The following TMEM176A variants were observed in gnomAD, a reference collection of about 807,000 sequenced individuals.
TMEM176A encodes the protein transmembrane protein 176A.
In TMEM176A, 20 loss-of-function variants were observed where a neutral mutation model predicts 27.9. The observed-to-expected ratio is 0.72, with a 90% CI of 0.50 to 1.04. The LOEUF (loss-of-function observed/expected upper bound fraction) is 1.04. TMEM176A is among the 50% of genes least tolerant of loss of function. The pLI is 0.00. For missense variants in TMEM176A, 252 were observed against 289.1 expected (o/e 0.87, Z 0.93); for synonymous variants, 125 against 118.0 (o/e 1.06, Z -0.38).
rs768678065 is a variant in TMEM176A, at chr7:150,804,376, C to G, written c.570C>G (p.Thr190=). ...TCTGTCCCCAGGCCTTGTTCAGAAC[C>G]CTTCAGGCCATGCTCTTGGGTGTCT... is the stretch of plus-strand genomic sequence containing the variant. The part of the protein sequence containing the change: ...FMDMLKALFR[T]LQAMLLGVWI... Residue 190 remains threonine, a synonymous_variant, in exon 6 of 7, where the codon ACC becomes ACG. Coordinates refer to ENST00000004103, the MANE Select transcript of TMEM176A (RefSeq NM_018487.3). The G allele has an allele frequency of 1.2e-6, 2 of 1,614,150 alleles. No individual in the cohort carries two copies. Among genetic ancestry groups the G allele is most frequent in the South Asian group, 2.2e-5 (2 of 91,072 alleles).
Position 150,804,972 on chromosome 7 carries a change from G to A in TMEM176A, c.*104G>A. On this transcript the variant is annotated 3_prime_UTR_variant, in exon 7 of 7. Coordinates refer to ENST00000004103, the MANE Select transcript of TMEM176A (RefSeq NM_018487.3). ...ACTGAGGAAAAGAGGCTCTTCAACA[G>A]CCCCAGTTATCCTGGCCCCATGACC... The A allele has an allele frequency of 1.6e-6, 2 of 1,261,528 alleles. No individual in the cohort carries two copies. The highest frequency in any genetic ancestry group is 2.4e-4 in the Middle Eastern group (1 of 4,232). 78.1% of individuals were successfully genotyped at this position (1,261,528 alleles called of 1,614,324 possible). A position where few individuals can be genotyped will look rare whatever the true frequency, so the allele number is the denominator to read the frequency against.
In TMEM176A at chr7:150,803,813, C is replaced by T; in HGVS notation, c.536C>T (p.Ser179Phe). The change falls in exon 5 of 7, where the codon TCC becomes TTC. Residue 179 changes from serine (S) to phenylalanine (F), a missense_variant. By Grantham distance (155) the Ser-to-Phe change is radical (BLOSUM62 -2). Coordinates refer to ENST00000004103, the MANE Select transcript of TMEM176A (RefSeq NM_018487.3). ...EEVRRLHLCT[S>F]FMDMLKALFR... is the part of the protein sequence containing the mutation. Reference sequence around the variant, plus strand: ...GTCAGAAGGCTACACCTATGTACCTCCTTCATGGACATGCTGAAGGTAGGT... The same window carrying T: ...GTCAGAAGGCTACACCTATGTACCTTCTTCATGGACATGCTGAAGGTAGGT... The T allele has an allele frequency of 6.2e-7, 1 of 1,614,082 alleles. No individual in the cohort carries two copies.
At chr7:150,803,910 T>C in intron 5 of TMEM176A, 78 bp downstream of exon 5, 2 of 1,363,666 alleles carry the variant, frequency 1.5e-6, no homozygotes, top group Admixed American at 2.0e-5. Flanking sequence ...AGTCAGGTTC[T>C]CCACCAGAAA....
chr7:150,801,889 A>T, intron 2 of TMEM176A, 165 bp downstream of exon 2: 1 of 777,504 alleles, frequency 1.3e-6, no homozygotes, highest in Non-Finnish European at 2.0e-6. Context: ...TGGGGAGGGG[A>T]GGCTCTGGGC....
rs754927423 is a variant in TMEM176A, at chr7:150,803,769, C to G, written c.492C>G (p.Pro164=). ...SSSSDWNTPA[P]TQSPEEVRRL... ...CGAGTGACTGGAACACTCCAGCCCC[C>G]ACTCAGAGTCCAGAAGAAGTCAGAA... The change falls in exon 5 of 7, where the codon CCC becomes CCG. Residue 164 remains proline, a synonymous_variant. Coordinates refer to ENST00000004103, the MANE Select transcript of TMEM176A (RefSeq NM_018487.3). 7.4e-6 allele frequency: 12 copies of G among 1,614,110 alleles called. No individual in the cohort carries two copies. Among genetic ancestry groups the G allele is most frequent in the East Asian group, 6.7e-5 (3 of 44,900 alleles).
rs547637916 is a variant in TMEM176A, at chr7:150,804,280, C to T, written c.556-82C>T. 15 of 1,151,120 alleles carry T rather than the reference C, an allele frequency of 1.3e-5. No homozygotes were observed. The South Asian group carries it at 1.8e-4, about 14-fold the overall frequency. 71.3% of individuals were successfully genotyped at this position (1,151,120 alleles called of 1,614,324 possible). ...TTGGAGATAAAGGGGTAGAGATTTT[C>T]CCAGGTCAATAAGGAGCATGGGGAC... On this transcript the variant is annotated intron_variant, in intron 5 of 6. Transcript: ENST00000004103.
rs761887875 is a variant in TMEM176A, at chr7:150,804,909, C to T, written c.*41C>T. ...TTATTAGTGCCTGGTGCTTCTGCAC[C>T]GGGCGTCCCTGCATCTGACTGCTGG... On this transcript the variant is annotated 3_prime_UTR_variant, in exon 7 of 7. Coordinates refer to ENST00000004103, the MANE Select transcript of TMEM176A (RefSeq NM_018487.3). 6.8e-6 allele frequency: 11 copies of T among 1,607,016 alleles called. No individual in the cohort carries two copies. The highest frequency in any genetic ancestry group is 5.0e-5 in the Admixed American group (3 of 60,004).
chr7:150,804,213 T>C (rs936212090), intron 5 of TMEM176A, 149 bp from the exon 6 acceptor site: 1 of 644,934 alleles, frequency 1.6e-6, no homozygotes, highest in Non-Finnish European at 2.7e-6. Flanking sequence ...AGCTGTATTC[T>C]GTACATTGAA....
chr7:150,802,684 A>AC, intron 3 of TMEM176A: 1 of 1,059,790 alleles, frequency 9.4e-7, no homozygotes, highest in Non-Finnish European at 1.1e-6. Flanking sequence ...AGGAAGCATC[A>AC]CCCCCTGGTT....
chr7:150,802,559 G>T (rs726647), intron 3 of TMEM176A: 11 of 702,682 alleles, frequency 1.6e-5, no homozygotes, highest in South Asian at 6.1e-5. Context: ...CAGGCTGGCT[G>T]CCTCTCCCTG....
rs537164898 is a variant in TMEM176A at position 150,801,399 on chromosome 7, G to A, written c.-15-137G>A. 88 of 811,314 alleles carry A rather than the reference G, an allele frequency of 1.1e-4. No homozygotes were observed. In the East Asian group the frequency reaches 1.8e-3, roughly 17 times the overall value. The allele number at this position is 811,314 out of a possible 1,614,324, so 50.3% of individuals were successfully genotyped here. A position where few individuals can be genotyped will look rare whatever the true frequency, so the allele number is the denominator to read the frequency against. ...CACACATTCCCCTCGTGAGGGGCCAGGGGTGCGGCCCTGTGACCAGGACAG... is the reference window on the plus strand; with the variant it reads ...CACACATTCCCCTCGTGAGGGGCCAAGGGTGCGGCCCTGTGACCAGGACAG... On this transcript the variant is annotated intron_variant, in intron 1 of 6. Transcript: ENST00000004103.
At chr7:150,801,379 A>C in intron 1 of TMEM176A, 157 bp from the exon 2 acceptor site, 1 of 675,136 alleles carries the variant, frequency 1.5e-6, no homozygotes, top group South Asian at 2.1e-5. Flanking sequence ...TGCTACACAC[A>C]TTCCCCTCGT....
chr7:150,804,661 C>T, intron 6 of TMEM176A, 166 bp from the exon 7 acceptor site: 1 of 886,286 alleles, frequency 1.1e-6, no homozygotes, highest in South Asian at 1.6e-5. Context: ...AAGTGGCCCC[C>T]AAGTCAAAGA....
rs867812048 is a variant in TMEM176A, at chr7:150,804,950, G to A, written c.*82G>A. ...TGACTGCTGGAAGAAGAACCAGACTGAGGAAAAGAGGCTCTTCAACAGCCC... is the reference window on the plus strand; with the variant it reads ...TGACTGCTGGAAGAAGAACCAGACTAAGGAAAAGAGGCTCTTCAACAGCCC... On this transcript the variant is annotated 3_prime_UTR_variant, in exon 7 of 7. Coordinates refer to ENST00000004103, the MANE Select transcript of TMEM176A (RefSeq NM_018487.3). 1 of 1,461,484 alleles carries A rather than the reference G, an allele frequency of 6.8e-7. No individual in the cohort carries two copies. The highest frequency in any genetic ancestry group is 1.4e-5 in the African/African-American group (1 of 71,818). 90.5% of individuals were successfully genotyped at this position (1,461,484 alleles called of 1,614,324 possible). A position where few individuals can be genotyped will look rare whatever the true frequency, so the allele number is the denominator to read the frequency against.
intron 2 of TMEM176A, 89 bp downstream of exon 2, chr7:150,801,813 A>C (rs935673362): frequency 7.2e-6 from 9 of 1,241,574 alleles, no homozygotes; most frequent in Non-Finnish European, 1.1e-6. Flanking sequence ...CCCTCTGAAC[A>C]GGACACCGAG....
intron 1 of TMEM176A, chr7:150,801,100 C>G: frequency 1.7e-6 from 1 of 584,048 alleles, no homozygotes; most frequent in Non-Finnish European, 2.2e-6. Context: ...ATGGGGGTAT[C>G]CGGAGCGCAG....
rs1377490411 is a variant in TMEM176A, at chr7:150,802,425, C to G, written c.285+100C>G. The G allele has an allele frequency of 3.7e-6, 4 of 1,069,346 alleles. No homozygotes were observed. The East Asian group carries it at 7.6e-5, about 20-fold the overall frequency. The allele number at this position is 1,069,346 out of a possible 1,614,324, so 66.2% of individuals were successfully genotyped here. ...CATGGCGCCACAGAATGCTGGCAGTCGGAGAGATCTGATTATCTAGGACCA... is the reference window on the plus strand; with the variant it reads ...CATGGCGCCACAGAATGCTGGCAGTGGGAGAGATCTGATTATCTAGGACCA... On this transcript the variant is annotated intron_variant, in intron 3 of 6. Coordinates refer to ENST00000004103, the MANE Select transcript of TMEM176A (RefSeq NM_018487.3).
intron 3 of TMEM176A, chr7:150,802,970 C>A: frequency 2.0e-6 from 2 of 990,130 alleles, no homozygotes; most frequent in Non-Finnish European, 2.4e-6. Context: ...TTCTTCAAGC[C>A]CAGCTGAGTG....
intron 6 of TMEM176A, 177 bp downstream of exon 6, chr7:150,804,649 C>T (rs2116743652): frequency 1.2e-6 from 1 of 856,632 alleles, no homozygotes; most frequent in East Asian, 2.5e-5. Flanking sequence ...CTATCCCCAA[C>T]CAAGTGGCCC....
Sources: allele counts gnomAD v4.1 joint callset, GRCh38; gene constraint gnomAD v4.1.1; transcripts MANE v1.5; gene names NCBI Gene and HGNC (gene_info 2026-07-23, HGNC 2026-07-21).